C12orf42: variants seen among roughly 807,000 people sequenced by gnomAD.
C12orf42 encodes chromosome 12 open reading frame 42.
In C12orf42, 25 loss-of-function variants were observed where a neutral mutation model predicts 21.6. That is an observed-to-expected ratio of 1.16 (90% CI 0.84 to 1.62). The LOEUF is 1.62. C12orf42 is among the 40% of genes most tolerant of loss of function. The pLI is 0.00. For synonymous variants in C12orf42, 174 were observed against 175.0 expected (o/e 0.99, Z 0.05); for missense variants, 483 against 459.3 (o/e 1.05, Z -0.47).
At chr12:103,395,538 T>C (rs1460097869) in intron 3 of C12orf42, among the ~76,000 whole-genome samples, 16 of 152,128 alleles carry the variant, frequency 1.1e-4, no homozygotes, top group African/African-American at 3.6e-4. Flanking sequence ...GGTTTCACTG[T>C]GTTAGGCAGG....
At chr12:103,329,197 A>C (rs1021213736) in intron 4 of C12orf42, among the ~76,000 whole-genome samples, 4 of 152,104 alleles carry the variant, frequency 2.6e-5, no homozygotes, top group Non-Finnish European at 5.9e-5. Context: ...GTGGCACATA[A>C]CCCATCAGGG....
chr12:103,153,146 C>G, the C12orf42 span, among the ~76,000 whole-genome samples: 1 of 152,128 alleles, frequency 6.6e-6, no homozygotes, highest in Admixed American at 6.5e-5. Flanking sequence ...TGTCCTAACT[C>G]TTACTTTACA....
chr12:103,506,899 T>TA, the C12orf42 span, among the ~76,000 whole-genome samples: 1 of 49,528 alleles, frequency 2.0e-5, no homozygotes, highest in African/African-American at 1.1e-4. Flanking sequence ...AATATATATT[T>TA]ATATATTATA....
intron 3 of C12orf42, among the ~76,000 whole-genome samples, chr12:103,381,122 T>C (rs1434997562): frequency 6.6e-6 from 1 of 152,220 alleles, no homozygotes; most frequent in African/African-American, 2.4e-5. Context: ...GGAAATGTAT[T>C]AGGACTCGTC....
At chr12:103,061,781 C>T in the C12orf42 span, among the ~76,000 whole-genome samples, 3,429 of 151,554 alleles carry the variant, frequency 0.023, 56 homozygotes, top group African/African-American at 0.044. Context: ...TCTTATAAGG[C>T]ACACACAGTT....
At chr12:103,393,145 G>C (rs1467493533) in intron 3 of C12orf42, among the ~76,000 whole-genome samples, 1 of 152,134 alleles carries the variant, frequency 6.6e-6, no homozygotes, top group African/African-American at 2.4e-5. Flanking sequence ...AGAAATACCT[G>C]AGACCGGGTA....
At chr12:103,160,170 A>G in the C12orf42 span, among the ~76,000 whole-genome samples, 1 of 152,248 alleles carries the variant, frequency 6.6e-6, no homozygotes. Flanking sequence ...GGAAAATTCC[A>G]TCATTGATCC....
chr12:103,437,903 T>G (rs1950870834), intron 2 of C12orf42, among the ~76,000 whole-genome samples: 1 of 146,564 alleles, frequency 6.8e-6, no homozygotes, highest in Non-Finnish European at 1.5e-5. Flanking sequence ...CTAATTCATT[T>G]TATGAGGCCA....
downstream of C12orf42, among the ~76,000 whole-genome samples, chr12:103,264,536 C>A (rs1481125549): frequency 6.6e-6 from 1 of 152,132 alleles, no homozygotes; most frequent in African/African-American, 2.4e-5. Context: ...TATTTATTTG[C>A]TAGCTTATTA....
the C12orf42 span, among the ~76,000 whole-genome samples, chr12:103,185,554 C>T: frequency 6.6e-6 from 1 of 152,000 alleles, no homozygotes; most frequent in East Asian, 1.9e-4. Context: ...TTGGAAATCT[C>T]AGTCTCTTTG....
Position 103,383,123 on chromosome 12 carries a change from T to C in C12orf42, c.148-14125A>G, listed in dbSNP as rs575282768. On this transcript the variant is annotated intron_variant, in intron 3 of 5. Coordinates refer to ENST00000548883, the MANE Select transcript of C12orf42 (RefSeq NM_198521.5). ...CAGGATATAGTGTTCTGACTCATTC[T>C]TTTTTTTTTTTTCTTTTTTTGAGAT... Among the ~76,000 whole-genome samples the C allele has an allele frequency of 3.1e-4, 6 of 19,156 alleles. No homozygotes were observed. The East Asian group carries it at 4.8e-3, about 15-fold the overall frequency. The allele number at this position is 19,156 out of a possible 152,430, so 12.6% of individuals were successfully genotyped here. A position where few individuals can be genotyped will look rare whatever the true frequency, so the allele number is the denominator to read the frequency against.
At chr12:103,244,427 C>G (rs190267838) in intron 10 of C12orf42, among the ~76,000 whole-genome samples, 166 of 152,088 alleles carry the variant, frequency 1.1e-3, no homozygotes, top group Middle Eastern at 3.4e-3. Context: ...GGTACTCACT[C>G]TAAGTACTCC....
chr12:103,301,066 A>C (rs1411049706), downstream of C12orf42, among the ~76,000 whole-genome samples: 1 of 152,262 alleles, frequency 6.6e-6, no homozygotes, highest in African/African-American at 2.4e-5. Flanking sequence ...CTTAAATGTT[A>C]GGAAGTTATT....
intron 4 of C12orf42, among the ~76,000 whole-genome samples, chr12:103,364,358 GT>G (rs1257592572): frequency 6.6e-6 from 1 of 151,994 alleles, no homozygotes; most frequent in Non-Finnish European, 1.5e-5. Flanking sequence ...AAGGAGGAAA[GT>G]TTATACTCTT....
At chr12:103,479,786 AAAC>A (rs1954330114) in intron 1 of C12orf42, among the ~76,000 whole-genome samples, 1 of 152,042 alleles carries the variant, frequency 6.6e-6, no homozygotes, top group Non-Finnish European at 1.5e-5. Flanking sequence ...ATGAGATAAA[AAAC>A]AACGCAGTCA....
At chr12:103,144,657 G>T in the C12orf42 span, among the ~76,000 whole-genome samples, 27 of 152,180 alleles carry the variant, frequency 1.8e-4, no homozygotes, top group African/African-American at 5.8e-4. Context: ...ATGCTAAAAA[G>T]AAGCTTTTTA....
the C12orf42 span, among the ~76,000 whole-genome samples, chr12:103,145,011 T>C: frequency 1.3e-5 from 2 of 152,136 alleles, no homozygotes; most frequent in South Asian, 4.1e-4. Context: ...CTACCCTGGA[T>C]ATATTGGGGC....
At chr12:103,525,635 A>C in the C12orf42 span, among the ~76,000 whole-genome samples, 2 of 152,192 alleles carry the variant, frequency 1.3e-5, no homozygotes, top group African/African-American at 4.8e-5. Context: ...TATAAGTATC[A>C]ATATTATTAT....
intron 3 of C12orf42, among the ~76,000 whole-genome samples, chr12:103,381,147 G>T (rs1026944165): frequency 6.6e-6 from 1 of 152,196 alleles, no homozygotes; most frequent in Non-Finnish European, 1.5e-5. Flanking sequence ...TAGTTACACT[G>T]CTGGCTCAGG....
Sources: gnomAD v4.1 joint callset for allele counts (sites outside exome capture counted in the v4.1 genomes callset) on GRCh38, gnomAD v4.1.1 for gene constraint, MANE v1.5 for transcripts, NCBI Gene and HGNC (gene_info 2026-07-23, HGNC 2026-07-21) for gene names.